Variants in CFAP20DC observed in about 807,000 individuals in gnomAD.
CFAP20DC encodes protein CFAP20DC.
Under a neutral mutation model 101.7 loss-of-function variants are expected in CFAP20DC, and 84 were observed. The observed-to-expected ratio is 0.83, with a 90% CI of 0.69 to 0.99. The LOEUF is 0.99. CFAP20DC is among the 50% of genes least tolerant of loss of function. The pLI, the probability that CFAP20DC is intolerant of heterozygous loss-of-function variation, is 0.00. For synonymous variants in CFAP20DC, 359 were observed against 351.2 expected, an observed-to-expected ratio of 1.02 and a Z score of -0.25; for missense variants, 1,007 against 970.3, an observed-to-expected ratio of 1.04 and a Z score of -0.50.
chr3:59,033,039 G>A (rs1480635933), intron 4 of CFAP20DC, among the ~76,000 whole-genome samples: 5 of 152,112 alleles, frequency 3.3e-5, no homozygotes, highest in African/African-American at 1.2e-4. Context: ...AGCCTCCACT[G>A]GTGATACCTA....
chr3:58,847,407 C>G (rs1271443646), intron 13 of CFAP20DC, among the ~76,000 whole-genome samples: 6 of 151,086 alleles, frequency 4.0e-5, no homozygotes, highest in Non-Finnish European at 7.4e-5. Flanking sequence ...CAAAAAAACA[C>G]ATGAAAAAAT....
intron 4 of CFAP20DC, among the ~76,000 whole-genome samples, chr3:58,949,377 C>T (rs376418198): frequency 8.6e-5 from 13 of 152,026 alleles, no homozygotes; most frequent in South Asian, 2.1e-4. Context: ...TGTGATGTTA[C>T]GGTGTCAATT....
In CFAP20DC at chr3:58,721,389, T is replaced by A. The variant is rs1371510098; in HGVS notation, c.198-3761A>T. ...TCAGAATGAAGAGATAGACATTTTT[T>A]AAAAATTACAACCATGATAGGGTAC... On this transcript the variant is annotated intron_variant, in intron 3 of 3. Transcript: ENST00000486145. The surrounding 1 kb of genome is among the most constrained non-coding windows in gnomAD (Gnocchi z 5.2). Among the ~76,000 whole-genome samples, 1 of 152,138 alleles carries A rather than the reference T, an allele frequency of 6.6e-6. No individual in the cohort carries two copies. The highest frequency in any genetic ancestry group is 1.5e-5 in the Non-Finnish European group (1 of 68,038).
rs1440291985 is a variant in CFAP20DC at position 58,933,351 on chromosome 3, T to C, written c.393+4297A>G. ...GACTTTAACACCCCACTGTCAACAT[T>C]AGACAGATCAACGAGACAGAAAGTT... On this transcript the variant is annotated intron_variant, in intron 5 of 16. Coordinates refer to ENST00000482387, the MANE Select transcript of CFAP20DC (RefSeq NM_001394063.1). Among the ~76,000 whole-genome samples the C allele has an allele frequency of 5.3e-5, 8 of 151,242 alleles. No individual in the cohort carries two copies. In the South Asian group the frequency reaches 6.3e-4, roughly 12 times the overall value.
At chr3:58,716,248 G>A (rs960046210), downstream of CFAP20DC, among the ~76,000 whole-genome samples, 2 of 140,818 alleles carry the variant, frequency 1.4e-5, no homozygotes, top group African/African-American at 5.4e-5. Flanking sequence ...TGCAAGCTCC[G>A]CTTCCCGGGT....
intron 15 of CFAP20DC, among the ~76,000 whole-genome samples, chr3:58,805,342 T>C (rs1002348907): frequency 6.6e-6 from 1 of 152,236 alleles, no homozygotes; most frequent in Non-Finnish European, 1.5e-5. Context: ...TGGCTGCCTC[T>C]TGCCTTTCTA....
At chr3:58,753,327 T>C (rs947747823) in intron 16 of CFAP20DC, among the ~76,000 whole-genome samples, 15 of 152,302 alleles carry the variant, frequency 9.8e-5, no homozygotes, top group Admixed American at 7.2e-4. Context: ...CAACAGCTGG[T>C]ATTTGGTAGG....
Position 58,721,144 on chromosome 3 carries a change from AAGATG to A in CFAP20DC, c.198-3521_198-3517del, listed in dbSNP as rs1271315596. ...GTCTCCCCATCCACATGTGAATTCC[AAGATG>A]CTGGGAGTGGGATTGTCCCAGTCAC... On this transcript the variant is annotated intron_variant, in intron 3 of 3. Coordinates refer to the CFAP20DC transcript ENST00000486145. This position sits in a 1 kb window ranked among gnomAD's most constrained non-coding sequence, Gnocchi z 5.2. 1.3e-5 allele frequency among the ~76,000 whole-genome samples: 2 copies of A among 152,192 alleles called. No individual in the cohort carries two copies. Among genetic ancestry groups the A allele is most frequent in the African/African-American group, 4.8e-5 (2 of 41,444 alleles).
At chr3:58,776,652 T>TA (rs1185201785) in intron 15 of CFAP20DC, among the ~76,000 whole-genome samples, 1 of 150,346 alleles carries the variant, frequency 6.7e-6, no homozygotes, top group Non-Finnish European at 1.5e-5. Context: ...AGGTATCTCG[T>TA]ATGTATTACA....
At chr3:58,872,152 G>T (rs2080280496) in intron 7 of CFAP20DC, among the ~76,000 whole-genome samples, 1 of 152,136 alleles carries the variant, frequency 6.6e-6, no homozygotes, top group Non-Finnish European at 1.5e-5. Context: ...AAAGCCTTCT[G>T]CTGTGACCCA....
chr3:58,918,355 A>G (rs1576301584), intron 5 of CFAP20DC, among the ~76,000 whole-genome samples: 1 of 152,130 alleles, frequency 6.6e-6, no homozygotes, highest in East Asian at 1.9e-4. Context: ...TCTTCATTCA[A>G]TCACTCCCTG....
chr3:59,019,451 T>C (rs1423743090), intron 4 of CFAP20DC, among the ~76,000 whole-genome samples: 10 of 151,808 alleles, frequency 6.6e-5, no homozygotes, highest in Admixed American at 6.6e-4. Context: ...TTGAGGGATG[T>C]GGAAGATCCA....
intron 4 of CFAP20DC, among the ~76,000 whole-genome samples, chr3:59,011,255 G>T (rs1173933958): frequency 6.6e-6 from 1 of 151,992 alleles, no homozygotes; most frequent in African/African-American, 2.4e-5. Context: ...AAAATTAGCT[G>T]GGCATAGTGG....
At chr3:58,851,064 C>T (rs2078184476) in intron 12 of CFAP20DC, among the ~76,000 whole-genome samples, 1 of 152,024 alleles carries the variant, frequency 6.6e-6, no homozygotes, top group African/African-American at 2.4e-5. Flanking sequence ...TTCTGTTTTC[C>T]TTTCTTCTTC....
In CFAP20DC at chr3:58,774,431, C is replaced by G. The variant is rs535221061; in HGVS notation, c.2238-20568G>C. Reference sequence around the variant, plus strand: ...TAGGCGTGAACATTTCAATTCTTCCCCTTGATATTCCCTTGTAGGAAAAAT... The same window carrying G: ...TAGGCGTGAACATTTCAATTCTTCCGCTTGATATTCCCTTGTAGGAAAAAT... On this transcript the variant is annotated intron_variant, in intron 15 of 16. Coordinates refer to ENST00000482387, the MANE Select transcript of CFAP20DC (RefSeq NM_001394063.1). Among the ~76,000 whole-genome samples, 77 of 152,256 alleles carry G rather than the reference C, an allele frequency of 5.1e-4. 1 individual carries two copies. The highest frequency in any genetic ancestry group is 1.8e-3 in the African/African-American group (76 of 41,550).
Position 58,721,640 on chromosome 3 carries a change from C to T in CFAP20DC, c.198-4012G>A, listed in dbSNP as rs1488377536. On this transcript the variant is annotated intron_variant, in intron 3 of 3. Transcript: ENST00000486145. This position sits in a 1 kb window ranked among gnomAD's most constrained non-coding sequence, Gnocchi z 5.2. ...GCAGTGTGGCTGGGGAGAGAAGAGC[C>T]ATGTGGTCCAGACAAATCTGGAGGG... is the stretch of plus-strand genomic sequence containing the variant. 6.6e-6 allele frequency among the ~76,000 whole-genome samples: 1 copy of T among 152,148 alleles called. No individual in the cohort carries two copies. Among genetic ancestry groups the T allele is most frequent in the Non-Finnish European group, 1.5e-5 (1 of 68,038 alleles).
chr3:58,985,662 A>AT (rs2092726698), intron 4 of CFAP20DC, among the ~76,000 whole-genome samples: 1 of 152,154 alleles, frequency 6.6e-6, no homozygotes, highest in Non-Finnish European at 1.5e-5. Flanking sequence ...ACCATTTGTG[A>AT]TTTTTTACTT....
At chr3:58,902,535 C>T (rs191864358) in intron 6 of CFAP20DC, among the ~76,000 whole-genome samples, 339 of 152,296 alleles carry the variant, frequency 2.2e-3, no homozygotes, top group African/African-American at 7.9e-3. Context: ...TGATATTGAA[C>T]ATTTTTTCAC....
At chr3:58,915,682 C>T (rs1379498839) in intron 5 of CFAP20DC, among the ~76,000 whole-genome samples, 1 of 151,932 alleles carries the variant, frequency 6.6e-6, no homozygotes, top group African/African-American at 2.4e-5. Flanking sequence ...TGTGGGGAGG[C>T]TTAGGAAAGC....
Sources: gnomAD v4.1 joint callset for allele counts (sites outside exome capture counted in the v4.1 genomes callset) on GRCh38, gnomAD v4.1.1 for gene constraint, Gnocchi (gnomAD v3.1) non-coding constraint, MANE v1.5 for transcripts, NCBI Gene and HGNC (gene_info 2026-07-23, HGNC 2026-07-21) for gene names.